ITFG1: variants seen among roughly 807,000 people sequenced by gnomAD.
ITFG1 encodes integrin alpha FG-GAP repeat containing 1.
Under a neutral mutation model 81.8 loss-of-function variants are expected in ITFG1, and 34 were observed. The observed-to-expected ratio is 0.42, with a 90% CI of 0.32 to 0.55. The LOEUF (loss-of-function observed/expected upper bound fraction) is 0.55. Ranked by LOEUF, ITFG1 falls within the 20% of genes least tolerant of loss-of-function variation. The pLI, the probability that ITFG1 is intolerant of heterozygous loss-of-function variation, is 0.17. For missense variants in ITFG1, 672 were observed against 755.4 expected, an observed-to-expected ratio of 0.89 and a Z score of 1.29; for synonymous variants, 285 against 270.6, an observed-to-expected ratio of 1.05 and a Z score of -0.52.
At chr16:47,244,737 C>G (rs562292448) in intron 12 of ITFG1, among the ~76,000 whole-genome samples, 1 of 151,278 alleles carries the variant, frequency 6.6e-6, no homozygotes, top group Non-Finnish European at 1.5e-5. Context: ...TGTGGCTGTT[C>G]TTGGAGACAG....
intron 5 of ITFG1, among the ~76,000 whole-genome samples, chr16:47,450,928 C>T (rs16945357): frequency 0.12 from 17,566 of 152,136 alleles, 2,218 homozygotes; most frequent in African/African-American, 0.32. Flanking sequence ...TGGTGAAGGA[C>T]AATGTATTCA....
intron 8 of ITFG1, among the ~76,000 whole-genome samples, chr16:47,314,586 T>C (rs1203866181): frequency 1.3e-5 from 2 of 152,184 alleles, no homozygotes; most frequent in Non-Finnish European, 2.9e-5. Flanking sequence ...TGGAGGAAGT[T>C]AGTAAGTTAC....
chr16:47,186,624 G>A (rs1965221558), intron 14 of ITFG1, among the ~76,000 whole-genome samples: 1 of 152,130 alleles, frequency 6.6e-6, no homozygotes, highest in Non-Finnish European at 1.5e-5. Flanking sequence ...AATAATAAGA[G>A]CTATCTATGA....
intron 4 of ITFG1, among the ~76,000 whole-genome samples, 200 bp downstream of exon 4, chr16:47,452,533 C>A (rs1388983246): frequency 6.6e-6 from 1 of 152,140 alleles, no homozygotes; most frequent in Non-Finnish European, 1.5e-5. Flanking sequence ...AATAAAAACA[C>A]AAATCTCTTC....
chr16:47,410,349 T>G (rs755075647), intron 6 of ITFG1, among the ~76,000 whole-genome samples: 2 of 152,022 alleles, frequency 1.3e-5, no homozygotes, highest in Non-Finnish European at 2.9e-5. Flanking sequence ...AAAATAATTG[T>G]AAATGGCCAG....
At chr16:47,227,533 C>T (rs1965770758) in intron 13 of ITFG1, among the ~76,000 whole-genome samples, 1 of 152,132 alleles carries the variant, frequency 6.6e-6, no homozygotes, top group African/African-American at 2.4e-5. Context: ...CATATAGATT[C>T]TTTCTAACTA....
At chr16:47,292,489 A>G (rs1966920536) in intron 10 of ITFG1, among the ~76,000 whole-genome samples, 1 of 152,164 alleles carries the variant, frequency 6.6e-6, no homozygotes, top group Admixed American at 6.5e-5. Flanking sequence ...GAGTGTAGTA[A>G]TATAGGCTCT....
chr16:47,160,848 G>A (rs933581369), intron 16 of ITFG1, among the ~76,000 whole-genome samples: 3 of 152,110 alleles, frequency 2.0e-5, no homozygotes, highest in Admixed American at 6.6e-5. Context: ...GAATAGAGAT[G>A]CACAGAGTCA....
At chr16:47,373,180 T>C (rs1968280072) in intron 7 of ITFG1, among the ~76,000 whole-genome samples, 1 of 152,230 alleles carries the variant, frequency 6.6e-6, no homozygotes, top group Admixed American at 6.5e-5. Flanking sequence ...TCTGGATGTG[T>C]CTTGTGTCTC....
At chr16:47,458,334 T>A (rs1180814756) in intron 2 of ITFG1, among the ~76,000 whole-genome samples, 3 of 152,214 alleles carry the variant, frequency 2.0e-5, no homozygotes, top group African/African-American at 7.2e-5. Context: ...CTTTTATCTC[T>A]TATAAATGCT....
intron 6 of ITFG1, among the ~76,000 whole-genome samples, chr16:47,401,907 C>G (rs1177908007): frequency 1.3e-5 from 2 of 152,090 alleles, no homozygotes; most frequent in Non-Finnish European, 2.9e-5. Flanking sequence ...CACTACCCCC[C>G]ATCCCATGTC....
intron 14 of ITFG1, among the ~76,000 whole-genome samples, chr16:47,173,675 T>C (rs2151510727): frequency 6.6e-6 from 1 of 152,356 alleles, no homozygotes; most frequent in Middle Eastern, 3.4e-3. Context: ...GCCTGTGTGC[T>C]TTTGTCCAGG....
chr16:47,408,936 CAT>C (rs1475532280), intron 6 of ITFG1, among the ~76,000 whole-genome samples: 1 of 151,940 alleles, frequency 6.6e-6, no homozygotes, highest in Non-Finnish European at 1.5e-5. Flanking sequence ...ATTTTTAAAA[CAT>C]ATGAATACAA....
chr16:47,235,694 G>C (rs547575565), intron 13 of ITFG1, among the ~76,000 whole-genome samples: 1 of 152,168 alleles, frequency 6.6e-6, no homozygotes, highest in Admixed American at 6.5e-5. Context: ...AAGTGGTAAA[G>C]AATACTATAT....
At chr16:47,325,570 C>T (rs1191797114) in intron 8 of ITFG1, among the ~76,000 whole-genome samples, 2 of 152,080 alleles carry the variant, frequency 1.3e-5, no homozygotes, top group Admixed American at 6.5e-5. Flanking sequence ...AATTGATAGA[C>T]TGCTAGCAAG....
intron 14 of ITFG1, among the ~76,000 whole-genome samples, chr16:47,182,073 A>G (rs1018357031): frequency 4.6e-5 from 7 of 152,106 alleles, no homozygotes; most frequent in African/African-American, 1.7e-4. Flanking sequence ...CTGCCTAGGA[A>G]AACCAGATAC....
chr16:47,343,758 G>C (rs758163778), intron 8 of ITFG1, among the ~76,000 whole-genome samples: 1 of 152,088 alleles, frequency 6.6e-6, no homozygotes, highest in South Asian at 2.1e-4. Flanking sequence ...TGGTAGGAAC[G>C]TAAAATGTTT....
chr16:47,311,127 C>G (rs1967252495), intron 10 of ITFG1, 113 bp downstream of exon 10: 1 of 655,346 alleles, frequency 1.5e-6, no homozygotes, highest in African/African-American at 1.9e-5. Flanking sequence ...CACCATGTTC[C>G]TTATTTAAGA....
At chr16:47,284,102 C>G (rs2151551572) in intron 10 of ITFG1, among the ~76,000 whole-genome samples, 1 of 152,208 alleles carries the variant, frequency 6.6e-6, no homozygotes, top group Non-Finnish European at 1.5e-5. Flanking sequence ...GAGGTGATGG[C>G]TTAGAAGTGT....
Sources: allele counts gnomAD v4.1 joint callset (sites outside exome capture counted in the v4.1 genomes callset), GRCh38; gene constraint gnomAD v4.1.1; transcripts MANE v1.5; gene names NCBI Gene and HGNC (gene_info 2026-07-23, HGNC 2026-07-21).